PHLDB2: variants seen among roughly 807,000 people sequenced by gnomAD.
PHLDB2 encodes pleckstrin homology-like domain family B member 2.
A neutral mutation model predicts 123.6 loss-of-function variants in PHLDB2; 71 were observed. The observed-to-expected ratio is 0.57, with a 90% CI of 0.47 to 0.70. The LOEUF is 0.70. Among genes scored for constraint, PHLDB2 ranks in the 30% least tolerant of loss-of-function variants. PHLDB2 has a pLI of 0.00. For synonymous variants in PHLDB2, 547 were observed against 541.6 expected, an observed-to-expected ratio of 1.01 and a Z score of -0.14; for missense variants, 1,446 against 1,519.5, an observed-to-expected ratio of 0.95 and a Z score of 0.80.
intron 1 of PHLDB2, among the ~76,000 whole-genome samples, chr3:111,793,290 G>A (rs545192792): frequency 2.0e-5 from 3 of 152,122 alleles, no homozygotes; most frequent in Admixed American, 6.5e-5. Flanking sequence ...CCTCAAGCAG[G>A]GGAGACTCTT....
chr3:111,920,335 A>G lies in PHLDB2; in HGVS notation c.1917A>G (p.Glu639=), dbSNP rs753924836. The G allele has an allele frequency of 3.1e-6, 5 of 1,614,098 alleles. No homozygotes were observed. Among genetic ancestry groups the G allele is most frequent in the South Asian group, 1.1e-5 (1 of 91,068 alleles). Reference sequence around the variant, plus strand: ...GAGAACAGAAATCTGAAACAACTGAACTTATGAAGGAGAAGGAGATTTTGG... The same window carrying G: ...GAGAACAGAAATCTGAAACAACTGAGCTTATGAAGGAGAAGGAGATTTTGG... ...LDGEQKSETT[E]LMKEKEILDH... is the part of the protein sequence containing the mutation. Residue 639 remains glutamate (E), a synonymous_variant, in exon 5 of 18, where the codon GAA becomes GAG. Transcript: ENST00000431670.
rs115430874 is a variant in PHLDB2, at chr3:111,959,742, A to T, written c.2873-2366A>T. ...TTGGAAAAGTAGCCGAAAAACAACAACAACAAAAAACACAACCTTGGAAGA... is the reference window on the plus strand; with the variant it reads ...TTGGAAAAGTAGCCGAAAAACAACATCAACAAAAAACACAACCTTGGAAGA... On this transcript the variant is annotated intron_variant, in intron 12 of 17. Transcript: ENST00000431670. Among the ~76,000 whole-genome samples the T allele has an allele frequency of 3.0e-4, 45 of 152,344 alleles. 1 individual carries two copies. The highest frequency in any genetic ancestry group is 1.1e-3 in the African/African-American group (44 of 41,576).
intron 12 of PHLDB2, among the ~76,000 whole-genome samples, chr3:111,959,341 C>T (rs1469654472): frequency 1.3e-5 from 2 of 152,214 alleles, no homozygotes; most frequent in Non-Finnish European, 2.9e-5. Context: ...GTGGGGTTCA[C>T]TGAGGTCAGT....
intron 5 of PHLDB2, among the ~76,000 whole-genome samples, chr3:111,921,599 C>T (rs1203989909): frequency 3.9e-5 from 5 of 127,986 alleles, no homozygotes; most frequent in Non-Finnish European, 6.4e-5. Flanking sequence ...CATTCTGCCC[C>T]CAGACTTTTT....
intron 1 of PHLDB2, among the ~76,000 whole-genome samples, chr3:111,760,397 A>G (rs938523739): frequency 2.0e-5 from 3 of 152,218 alleles, no homozygotes; most frequent in Non-Finnish European, 4.4e-5. Flanking sequence ...TACTCCAAAG[A>G]TACTAAATAC....
intron 1 of PHLDB2, among the ~76,000 whole-genome samples, chr3:111,831,812 C>T (rs1339723943): frequency 2.0e-5 from 3 of 152,068 alleles, no homozygotes; most frequent in African/African-American, 7.2e-5. Flanking sequence ...TGGGAATAGG[C>T]AAATTAATAA....
At chr3:111,810,893 T>C (rs2061806617) in intron 1 of PHLDB2, among the ~76,000 whole-genome samples, 1 of 152,190 alleles carries the variant, frequency 6.6e-6, no homozygotes, top group Admixed American at 6.5e-5. Context: ...GTTTGGGAAA[T>C]GTGTTTGATC....
Position 111,954,093 on chromosome 3 carries a change from G to A in PHLDB2, c.2872+64G>A. On this transcript the variant is annotated intron_variant, in intron 12 of 17. Transcript: ENST00000431670. The stretch of plus-strand genomic sequence containing the variant: ...AAGCATTAGAATTCTTCAGGGGGAG[G>A]AAGTGAGAACAGGGGTAGGGATGAT... 2.1e-6 allele frequency: 3 copies of A among 1,450,132 alleles called. No homozygotes were observed. The African/African-American group carries it at 4.2e-5, about 20-fold the overall frequency. 89.8% of individuals were successfully genotyped at this position (1,450,132 alleles called of 1,614,324 possible). A position where few individuals can be genotyped will look rare whatever the true frequency, so the allele number is the denominator to read the frequency against.
chr3:111,914,369 C>T (rs1227888350), intron 3 of PHLDB2: 2 of 151,982 alleles, frequency 1.3e-5, no homozygotes, highest in African/African-American at 2.4e-5. Context: ...ATTTCCAAAT[C>T]GTACTTCTAA....
chr3:111,869,708 T>C (rs1016669678), intron 1 of PHLDB2, among the ~76,000 whole-genome samples: 2 of 23,606 alleles, frequency 8.5e-5, no homozygotes, highest in African/African-American at 1.2e-4. Flanking sequence ...TCTGTCTCTG[T>C]GTGTGTGTGT....
At chr3:111,829,895 TTTC>T (rs1245567175) in intron 1 of PHLDB2, among the ~76,000 whole-genome samples, 2 of 150,908 alleles carry the variant, frequency 1.3e-5, no homozygotes, top group Non-Finnish European at 2.9e-5. Flanking sequence ...CACCTTACAT[TTTC>T]TTATCACCAA....
At chr3:111,920,218 A>G in intron 4 of PHLDB2, 64 bp from the exon 5 acceptor site, 10 of 1,552,722 alleles carry the variant, frequency 6.4e-6, no homozygotes, top group Non-Finnish European at 3.5e-6. Context: ...ATGTATCTCT[A>G]GGGTGGTCAG....
intron 1 of PHLDB2, among the ~76,000 whole-genome samples, chr3:111,834,186 A>ATATGTAATAGAATTATATATATAT (rs2063250015): frequency 2.1e-5 from 2 of 93,306 alleles, no homozygotes; most frequent in Admixed American, 1.5e-4. Context: ...TATATATATT[A>ATATGTAATAGAATTATATATATAT]TATATGTAAT....
At chr3:111,735,721 A>C (rs982581609) in intron 1 of PHLDB2, among the ~76,000 whole-genome samples, 1 of 152,144 alleles carries the variant, frequency 6.6e-6, no homozygotes, top group African/African-American at 2.4e-5. Flanking sequence ...AAACACAAAG[A>C]CTCATCACAA....
intron 1 of PHLDB2, among the ~76,000 whole-genome samples, chr3:111,871,478 T>C (rs2065334201): frequency 6.6e-6 from 1 of 150,778 alleles, no homozygotes; most frequent in Admixed American, 6.6e-5. Context: ...CAAAAACCTG[T>C]TTCTACAAAA....
chr3:111,851,388 T>G (rs16858719), intron 2 of PHLDB2, among the ~76,000 whole-genome samples: 5,958 of 152,094 alleles, frequency 0.039, 337 homozygotes, highest in East Asian at 0.23. Flanking sequence ...ACAGCCAAAA[T>G]GGGCCTGCTC....
intron 1 of PHLDB2, among the ~76,000 whole-genome samples, chr3:111,762,810 T>C (rs2108017951): frequency 6.6e-6 from 1 of 152,292 alleles, no homozygotes; most frequent in African/African-American, 2.4e-5. Flanking sequence ...TGACTTCATG[T>C]GCAAAAAAGA....
chr3:111,843,990 A>G (rs984743654), intron 1 of PHLDB2, among the ~76,000 whole-genome samples: 1 of 152,188 alleles, frequency 6.6e-6, no homozygotes, highest in Non-Finnish European at 1.5e-5. Context: ...AAATCCTCTA[A>G]TTGTAACCTT....
At chr3:111,876,493 G>A (rs990743435) in intron 1 of PHLDB2, among the ~76,000 whole-genome samples, 1 of 152,144 alleles carries the variant, frequency 6.6e-6, no homozygotes, top group African/African-American at 2.4e-5. Context: ...TTATATGTAT[G>A]ATATACTATA....
Sources: gnomAD v4.1 joint callset for allele counts (sites outside exome capture counted in the v4.1 genomes callset) on GRCh38, gnomAD v4.1.1 for gene constraint, MANE v1.5 for transcripts, NCBI Gene and HGNC (gene_info 2026-07-23, HGNC 2026-07-21) for gene names.